Variants in WSB1 observed in about 807,000 individuals in gnomAD.
The protein encoded by WSB1 is WD repeat and SOCS box-containing protein 1.
In WSB1, 23 loss-of-function variants were observed where a neutral mutation model predicts 50.2. That is an observed-to-expected ratio of 0.46 (90% CI 0.33 to 0.65). The LOEUF is 0.65. Ranked by LOEUF, WSB1 falls within the 30% of genes least tolerant of loss-of-function variation. The pLI is 0.02. For missense variants in WSB1, 492 were observed against 522.3 expected (o/e 0.94, Z 0.56); for synonymous variants, 179 against 172.0 (o/e 1.04, Z -0.32).
At chr17:27,299,434 C>T (rs1438762898) in intron 1 of WSB1, among the ~76,000 whole-genome samples, 1 of 152,196 alleles carries the variant, frequency 6.6e-6, no homozygotes, top group East Asian at 1.9e-4. Flanking sequence ...TCGCCTGAGC[C>T]TGGGAGTTCA....
At position 27,313,677 on chromosome 17, in the gene WSB1, C is replaced by A. The variant is rs140620135; in HGVS notation, c.*1308C>A. ...TTAAATAGGTTAGGTGGAGTACTTT[C>A]TCTCTGTCTCCATTGTAAGGTTGAT... is the stretch of plus-strand genomic sequence containing the variant. On this transcript the variant is annotated 3_prime_UTR_variant, in exon 9 of 9. Coordinates refer to ENST00000262394, the MANE Select transcript of WSB1 (RefSeq NM_015626.10). 6.6e-6 allele frequency: 1 copy of A among 151,788 alleles called. No individual in the cohort carries two copies. The highest frequency in any genetic ancestry group is 1.9e-4 in the East Asian group (1 of 5,176). The allele number at this position is 151,788 out of a possible 1,614,324, so 9.4% of individuals were successfully genotyped here.
chr17:27,307,877 A>G lies in WSB1; in HGVS notation c.711+995A>G, dbSNP rs541354684. ...GGGGGCGACCTTTACCATAGGATGAAGTAACCTTGCATTCGGCTGCAAGGT... is the reference window on the plus strand; with the variant it reads ...GGGGGCGACCTTTACCATAGGATGAGGTAACCTTGCATTCGGCTGCAAGGT... On this transcript the variant is annotated intron_variant, in intron 5 of 8. Transcript: ENST00000262394. The G allele has an allele frequency of 7.1e-5, 104 of 1,456,562 alleles. 1 individual carries two copies. In the South Asian group the frequency reaches 1.4e-3, roughly 19 times the overall value. 90.2% of individuals were successfully genotyped at this position (1,456,562 alleles called of 1,614,324 possible).
chr17:27,306,162 T>G (rs2017442567), intron 4 of WSB1, among the ~76,000 whole-genome samples: 1 of 150,696 alleles, frequency 6.6e-6, no homozygotes, highest in Admixed American at 6.6e-5. Flanking sequence ...TCCAGTTGCT[T>G]AACTTTTAAA....
rs769995606 is a variant in WSB1, at chr17:27,301,768, A to G, written c.41-20A>G. The stretch of plus-strand genomic sequence containing the variant: ...TTGTTGGTTATATATGATATCCAGT[A>G]TTTTTATTTTTCCTTTTAGTGAGAT... On this transcript the variant is annotated intron_variant, in intron 1 of 8. Transcript: ENST00000262394. 4.3e-6 allele frequency: 7 copies of G among 1,611,514 alleles called. No individual in the cohort carries two copies. The highest frequency in any genetic ancestry group is 5.9e-6 in the Non-Finnish European group (7 of 1,178,438).
At chr17:27,304,650 T>G in intron 3 of WSB1, 130 bp from the exon 4 acceptor site, 1 of 780,520 alleles carries the variant, frequency 1.3e-6, no homozygotes, top group Non-Finnish European at 1.9e-6. Context: ...AGGTCGAGGC[T>G]GTAGTGAGCC....
chr17:27,308,306 C>T, intron 5 of WSB1: 1 of 985,696 alleles, frequency 1.0e-6, no homozygotes, highest in Non-Finnish European at 1.2e-6. Context: ...CTGAAGTAAA[C>T]ATTAGAATCC....
At chr17:27,304,744 A>G (rs531954100) in intron 3 of WSB1, 36 bp from the exon 4 acceptor site, 9 of 1,598,342 alleles carry the variant, frequency 5.6e-6, no homozygotes, top group African/African-American at 5.4e-5. Flanking sequence ...AAATATATTA[A>G]TACTGTCTTT....
intron 1 of WSB1, among the ~76,000 whole-genome samples, chr17:27,301,032 C>T (rs9908804): frequency 0.33 from 50,656 of 151,888 alleles, 8,720 homozygotes; most frequent in Middle Eastern, 0.45. Flanking sequence ...CCACCACGCC[C>T]AGCTAATTTT....
chr17:27,302,022 G>C (rs1230942026), intron 2 of WSB1, 66 bp downstream of exon 2: 7 of 1,446,854 alleles, frequency 4.8e-6, no homozygotes, highest in Non-Finnish European at 6.4e-6. Flanking sequence ...CTCAGTGTAG[G>C]GTAATAAAAA....
chr17:27,305,008 CAT>C (rs2017390218), intron 4 of WSB1, 97 bp downstream of exon 4: 1 of 1,491,010 alleles, frequency 6.7e-7, no homozygotes, highest in Non-Finnish European at 9.1e-7. Flanking sequence ...TTAAAAATGA[CAT>C]GTGATCAAAG....
chr17:27,310,951 T>G (rs556925784), intron 7 of WSB1, among the ~76,000 whole-genome samples: 130 of 152,198 alleles, frequency 8.5e-4, no homozygotes, highest in Admixed American at 1.4e-3. Context: ...GCTCAGGTGA[T>G]CCTCCCACCT....
At chr17:27,308,592 T>G in intron 5 of WSB1, 1 of 985,946 alleles carries the variant, frequency 1.0e-6, no homozygotes, top group Non-Finnish European at 1.2e-6. Context: ...CAGTATCTGT[T>G]TCTCTTCCTA....
Position 27,315,225 on chromosome 17 carries a change from G to C in WSB1, c.*2856G>C, listed in dbSNP as rs2017808113. 1 of 152,134 alleles carries C rather than the reference G, an allele frequency of 6.6e-6. No individual in the cohort carries two copies. The highest frequency in any genetic ancestry group is 2.4e-5 in the African/African-American group (1 of 41,428). The allele number at this position is 152,134 out of a possible 1,614,324, so 9.4% of individuals were successfully genotyped here. A position where few individuals can be genotyped will look rare whatever the true frequency, so the allele number is the denominator to read the frequency against. ...AGCTACATGATTTGAAAATGACACT[G>C]CCTCTCCTATTTTGCCACAAGCCTG... On this transcript the variant is annotated 3_prime_UTR_variant, in exon 9 of 9. Coordinates refer to ENST00000262394, the MANE Select transcript of WSB1 (RefSeq NM_015626.10).
At chr17:27,303,797 C>T in intron 3 of WSB1, 162 bp downstream of exon 3, 2 of 837,150 alleles carry the variant, frequency 2.4e-6, no homozygotes, top group South Asian at 1.9e-5. Context: ...TTCTTCAGCT[C>T]ATGATTTTAA....
intron 8 of WSB1, 141 bp downstream of exon 8, chr17:27,311,757 G>A (rs1166922603): frequency 1.9e-5 from 12 of 626,850 alleles, no homozygotes; most frequent in South Asian, 4.6e-5. Flanking sequence ...TCAGCCTCCC[G>A]AGTAGCTGGG....
intron 1 of WSB1, among the ~76,000 whole-genome samples, chr17:27,294,848 G>A (rs2016886037): frequency 6.6e-6 from 1 of 152,200 alleles, no homozygotes; most frequent in South Asian, 2.1e-4. Flanking sequence ...GTCCTCGTGT[G>A]TACCAACCAC....
intron 5 of WSB1, 155 bp downstream of exon 5, chr17:27,307,037 A>T: frequency 1.4e-6 from 1 of 699,674 alleles, no homozygotes; most frequent in Non-Finnish European, 2.4e-6. Context: ...GCATGAAGGA[A>T]ATTAAATATA....
At position 27,312,363 on chromosome 17, in the gene WSB1, T is replaced by G; in HGVS notation, c.1260T>G (p.Arg420=). The change falls in exon 9 of 9, where the codon CGT becomes CGG. Residue 420 remains arginine (R), a synonymous_variant. Coordinates refer to ENST00000262394, the MANE Select transcript of WSB1 (RefSeq NM_015626.10). The stretch of plus-strand genomic sequence containing the variant: ...AGCTTTTGGAGTTTCTCTCGTATCG[T>G]ATTTAGAAGATTCTGCCTTCCCTAG... ...PSKLLEFLSY[R]I 1 of 1,613,952 alleles carries G rather than the reference T, an allele frequency of 6.2e-7. No homozygotes were observed. Among genetic ancestry groups the G allele is most frequent in the Non-Finnish European group, 8.5e-7 (1 of 1,179,976 alleles).
rs1195800279 is a variant in WSB1, at chr17:27,314,676, T to C, written c.*2307T>C. On this transcript the variant is annotated 3_prime_UTR_variant, in exon 9 of 9. Coordinates refer to ENST00000262394, the MANE Select transcript of WSB1 (RefSeq NM_015626.10). The stretch of plus-strand genomic sequence containing the variant: ...AGCTTTTTTTATTTTTTATTTTTTA[T>C]TTTTTTTGAGACGGAGTCTCACACT... The C allele has an allele frequency of 1.3e-5, 2 of 151,746 alleles. No individual in the cohort carries two copies. Among genetic ancestry groups the C allele is most frequent in the South Asian group, 2.1e-4 (1 of 4,824 alleles). The allele number at this position is 151,746 out of a possible 1,614,324, so 9.4% of individuals were successfully genotyped here.
Sources: gnomAD v4.1 joint callset for allele counts (sites outside exome capture counted in the v4.1 genomes callset) on GRCh38, gnomAD v4.1.1 for gene constraint, MANE v1.5 for transcripts, NCBI Gene and HGNC (gene_info 2026-07-23, HGNC 2026-07-21) for gene names.